The following SYNE2 variants were observed in gnomAD, a reference collection of about 807,000 sequenced individuals.
SYNE2 encodes spectrin repeat containing nuclear envelope protein 2.
In SYNE2, 431 loss-of-function variants were observed where a neutral mutation model predicts 856.3. That is an observed-to-expected ratio of 0.50 (90% CI 0.47 to 0.55). The LOEUF (loss-of-function observed/expected upper bound fraction) is 0.55. SYNE2 is among the 20% of genes least tolerant of loss of function. SYNE2 has a pLI of 0.00. For synonymous variants in SYNE2, 2,923 were observed against 2,872.3 expected, an observed-to-expected ratio of 1.02 and a Z score of -0.56; for missense variants, 8,129 against 8,023.2, an observed-to-expected ratio of 1.01 and a Z score of -0.50.
In SYNE2 at chr14:63,941,748, T is replaced by C; in HGVS notation, c.195T>C (p.His65=). 1 of 1,614,166 alleles carries C rather than the reference T, an allele frequency of 6.2e-7. No individual in the cohort carries two copies. The highest frequency in any genetic ancestry group is 8.5e-7 in the Non-Finnish European group (1 of 1,180,006). Residue 65 remains histidine (H), a synonymous_variant, in exon 4 of 116, where the codon CAT becomes CAC. Transcript: ENST00000555002. ...TATTCACAGACATTAAAAAGGGGCATGTCCTCCTGGATCTGCTAGAAGTAC... is the reference window on the plus strand; with the variant it reads ...TATTCACAGACATTAAAAAGGGGCACGTCCTCCTGGATCTGCTAGAAGTAC... The part of the protein sequence containing the change: ...SDLFTDIKKG[H]VLLDLLEVLS...
chr14:64,143,851 A>T lies in SYNE2; in HGVS notation c.15386A>T (p.Asp5129Val). ...TCATTACTTCAGCTAAGCACCTGTGATGTAGAAAGCAAGCGCTATGAAAGA... is the reference window on the plus strand; with the variant it reads ...TCATTACTTCAGCTAAGCACCTGTGTTGTAGAAAGCAAGCGCTATGAAAGA... ...NQSLLQLSTC[D>V]VESKRYERTE... The change falls in exon 83 of 116, where the codon GAT becomes GTT. Residue 5129 changes from aspartate (D) to valine (V), a missense_variant. Transcript: ENST00000555002. The T allele has an allele frequency of 3.7e-6, 6 of 1,614,204 alleles. No homozygotes were observed. Among genetic ancestry groups the T allele is most frequent in the African/African-American group, 1.3e-5 (1 of 75,050 alleles).
chr14:64,177,363 G>A lies in SYNE2; in HGVS notation c.17436G>A (p.Trp5812Ter). ...TTAATCTTGTTTTCAAATAGACCTG[G>A]GACCAGTGTGAAAAGAAAATCAAGG... The part of the protein sequence containing the change: ...IKQFQSTVET[W>*]DQCEKKIKEL... The change falls in exon 96 of 116, where the codon TGG becomes TGA. Residue 5812 changes from tryptophan to a stop codon, truncating the protein, a stop_gained. Coordinates refer to ENST00000555002, the MANE Select transcript of SYNE2 (RefSeq NM_182914.3). LOFTEE classifies it high-confidence loss of function. The A allele has an allele frequency of 1.2e-6, 2 of 1,614,060 alleles. No homozygotes were observed. The highest frequency in any genetic ancestry group is 8.5e-7 in the Non-Finnish European group (1 of 1,180,004).
intron 72 of SYNE2, 32 bp from the exon 73 acceptor site, chr14:64,126,566 T>C: frequency 6.2e-7 from 1 of 1,614,174 alleles, no homozygotes; most frequent in Non-Finnish European, 8.5e-7. Flanking sequence ...AGGTCAGAGC[T>C]CATTCATTGT....
At chr14:63,858,357 A>G (rs1409046632) in intron 1 of SYNE2, among the ~76,000 whole-genome samples, 1 of 136,528 alleles carries the variant, frequency 7.3e-6, no homozygotes, top group Non-Finnish European at 1.5e-5. Context: ...CCTGGCCTCA[A>G]GTGATCTGCC....
In SYNE2 at chr14:64,168,117, G is replaced by C. The variant is rs1025260046; in HGVS notation, c.16905+478G>C. Among the ~76,000 whole-genome samples the C allele has an allele frequency of 2.6e-5, 4 of 151,814 alleles. No homozygotes were observed. The South Asian group carries it at 6.2e-4, about 24-fold the overall frequency. ...ATAGGCAGATCCTGCTTTTTTTGGT[G>C]GGGGGAGACAGAGTCTTCCTCTGTC... On this transcript the variant is annotated intron_variant, in intron 92 of 115. Coordinates refer to ENST00000555002, the MANE Select transcript of SYNE2 (RefSeq NM_182914.3).
At chr14:64,087,449 C>T (rs1332645978) in intron 57 of SYNE2, 1 of 698,284 alleles carries the variant, frequency 1.4e-6, no homozygotes, top group Admixed American at 1.8e-5. Flanking sequence ...TGGACCAAGA[C>T]CAAATATTTA....
chr14:64,169,310 T>C (rs1567532332), intron 93 of SYNE2, among the ~76,000 whole-genome samples: 1 of 152,256 alleles, frequency 6.6e-6, no homozygotes, highest in Non-Finnish European at 1.5e-5. Flanking sequence ...ATCCTCATGA[T>C]GTTTTGCGAC....
chr14:64,173,545 C>A (rs1029991489), intron 94 of SYNE2, among the ~76,000 whole-genome samples: 7 of 152,070 alleles, frequency 4.6e-5, no homozygotes, highest in African/African-American at 1.4e-4. Flanking sequence ...TGGAAAAATG[C>A]CCACACTTTG....
At chr14:64,048,468 G>T in intron 46 of SYNE2, 2 of 208,474 alleles carry the variant, frequency 9.6e-6, no homozygotes, top group Non-Finnish European at 9.7e-6. Flanking sequence ...TTCTGATTCT[G>T]ACAAATGTAT....
chr14:64,200,371 G>A (rs2098556724), intron 99 of SYNE2, among the ~76,000 whole-genome samples: 1 of 152,168 alleles, frequency 6.6e-6, no homozygotes, highest in African/African-American at 2.4e-5. Flanking sequence ...AGCTCTCGTG[G>A]CTGGGCCTCT....
chr14:63,804,001 ACT>A (rs1023874708), intron 1 of SYNE2, among the ~76,000 whole-genome samples: 3 of 151,446 alleles, frequency 2.0e-5, no homozygotes, highest in African/African-American at 4.9e-5. Flanking sequence ...TTCCCCCTTC[ACT>A]CTCTGTCTCC....
chr14:63,783,642 A>C (rs922719825), intron 1 of SYNE2, among the ~76,000 whole-genome samples: 3 of 152,178 alleles, frequency 2.0e-5, no homozygotes, highest in African/African-American at 7.2e-5. Context: ...ATTATGATGA[A>C]ACATAAGACA....
chr14:64,055,595 T>C (rs988934505), intron 48 of SYNE2, among the ~76,000 whole-genome samples: 3 of 151,994 alleles, frequency 2.0e-5, no homozygotes, highest in Admixed American at 6.6e-5. Context: ...TCTTGAACTC[T>C]GGACCTCGTG....
rs768196060 is a variant in SYNE2, at chr14:64,053,171, T to G, written c.9258T>G (p.Ile3086Met). 1 of 1,614,112 alleles carries G rather than the reference T, an allele frequency of 6.2e-7. No homozygotes were observed. Residue 3086 changes from isoleucine to methionine, a missense_variant, in exon 48 of 116, where the codon ATT becomes ATG. By Grantham distance (10) the Ile-to-Met change is conservative. This residue lies in a region of SYNE2 where 5,410 missense variants were observed against 5,284.8 expected (regional missense o/e 1.02). Coordinates refer to ENST00000555002, the MANE Select transcript of SYNE2 (RefSeq NM_182914.3). ...AAAGCAGACGGCTCAATGCCCAAAT[T>G]TTAAGTCAGAGAATTGAGAAAGCCA... is the stretch of plus-strand genomic sequence containing the variant. ...SPESRRLNAQILSQRIEKAKC... is the reference protein window; with the variant it reads ...SPESRRLNAQMLSQRIEKAKC...
intron 66 of SYNE2, among the ~76,000 whole-genome samples, chr14:64,118,012 C>T (rs1033088781): frequency 3.3e-5 from 5 of 152,166 alleles, no homozygotes; most frequent in Non-Finnish European, 7.4e-5. Flanking sequence ...GTAACTGAAA[C>T]CACAGAAAGT....
chr14:64,193,793 C>T (rs1443351878), intron 99 of SYNE2, among the ~76,000 whole-genome samples: 1 of 151,930 alleles, frequency 6.6e-6, no homozygotes, highest in East Asian at 1.9e-4. Flanking sequence ...AGGAAACCAA[C>T]ATTGCTTATT....
intron 1 of SYNE2, among the ~76,000 whole-genome samples, chr14:63,867,540 A>G (rs996736259): frequency 2.0e-5 from 3 of 151,864 alleles, no homozygotes; most frequent in Non-Finnish European, 4.4e-5. Context: ...TCTACTAAAA[A>G]TACAAAAATT....
At chr14:64,040,617 T>TATATACATATATATGTATA (rs1595075093) in intron 45 of SYNE2, among the ~76,000 whole-genome samples, 1 of 147,668 alleles carries the variant, frequency 6.8e-6, no homozygotes, top group East Asian at 1.9e-4. Context: ...TATATATATG[T>TATATACATATATATGTATA]ATATACATAT....
At chr14:63,924,644 C>G (rs2153383652) in intron 2 of SYNE2, among the ~76,000 whole-genome samples, 1 of 152,148 alleles carries the variant, frequency 6.6e-6, no homozygotes, top group South Asian at 2.1e-4. Flanking sequence ...TTTCAAATAG[C>G]AATTTCTTGA....
Sources: gnomAD v4.1 joint callset for allele counts (sites outside exome capture counted in the v4.1 genomes callset) on GRCh38, gnomAD v4.1.1 for gene constraint, gnomAD v4.1.1 regional missense constraint, MANE v1.5 for transcripts, NCBI Gene and HGNC (gene_info 2026-07-23, HGNC 2026-07-21) for gene names.